Variants in TDRD9 observed in about 807,000 individuals in gnomAD.
TDRD9 encodes ATP-dependent RNA helicase TDRD9.
Under a neutral mutation model 172.6 loss-of-function variants are expected in TDRD9, and 124 were observed. The observed-to-expected ratio is 0.72, with a 90% confidence interval of 0.62 to 0.83. The LOEUF (loss-of-function observed/expected upper bound fraction) is 0.83, where lower values mean the gene tolerates loss of function less well. Ranked by LOEUF, TDRD9 falls within the 40% of genes least tolerant of loss-of-function variation. The pLI is 0.00. For synonymous variants in TDRD9, 619 were observed against 617.1 expected, an observed-to-expected ratio of 1.00 and a Z score of -0.05; for missense variants, 1,479 against 1,714.1, an observed-to-expected ratio of 0.86 and a Z score of 2.42.
chr14:104,052,011 G>T lies in TDRD9; in HGVS notation c.4078G>T (p.Asp1360Tyr). The T allele has an allele frequency of 1.3e-6, 2 of 1,596,560 alleles. No homozygotes were observed. Among genetic ancestry groups the T allele is most frequent in the South Asian group, 1.1e-5 (1 of 87,504 alleles). The change falls in exon 36 of 36, where the codon GAC becomes TAC. Residue 1360 changes from aspartate to tyrosine, a missense_variant. Transcript: ENST00000409874. ...VDPKLVMEQA[D>Y]RESSRGKNTF... ...TCCAAAGCTGGTCATGGAGCAGGCCGACCGTGAGAGCAGCAGAGGGAAGAA... is the reference window on the plus strand; with the variant it reads ...TCCAAAGCTGGTCATGGAGCAGGCCTACCGTGAGAGCAGCAGAGGGAAGAA...
At chr14:103,935,941 TTGAA>T (rs1433293251) in intron 1 of TDRD9, among the ~76,000 whole-genome samples, 11 of 152,278 alleles carry the variant, frequency 7.2e-5, no homozygotes, top group Middle Eastern at 3.4e-3. Flanking sequence ...AGATATTTGT[TTGAA>T]TGAATGACCT....
At position 103,994,389 on chromosome 14, in the gene TDRD9, A is replaced by G. The variant is rs1306488036; in HGVS notation, c.1235+3A>G. On this transcript the variant is annotated splice_donor_region_variant and intron_variant, in intron 10 of 35. Coordinates refer to ENST00000409874, the MANE Select transcript of TDRD9 (RefSeq NM_153046.3). ...CTCACAAGCCTGGTTCATAAAAGGT[A>G]TGTTGAAAATGATACAGCTGTATTC... 12 of 1,613,006 alleles carry G rather than the reference A, an allele frequency of 7.4e-6. No homozygotes were observed. Among genetic ancestry groups the G allele is most frequent in the Non-Finnish European group, 1.0e-5 (12 of 1,179,158 alleles).
intron 28 of TDRD9, among the ~76,000 whole-genome samples, chr14:104,028,583 T>G (rs543712624): frequency 1.3e-5 from 2 of 152,300 alleles, no homozygotes; most frequent in East Asian, 1.9e-4. Context: ...CTGGATGTTA[T>G]TCCTTTGTCA....
intron 1 of TDRD9, among the ~76,000 whole-genome samples, chr14:103,934,709 C>CA (rs2030641480): frequency 6.6e-6 from 1 of 152,164 alleles, no homozygotes; most frequent in African/African-American, 2.4e-5. Flanking sequence ...GTGAACCCGG[C>CA]AGGCGGAGCT....
intron 29 of TDRD9, among the ~76,000 whole-genome samples, chr14:104,031,670 C>G (rs377636223): frequency 1.3e-5 from 2 of 151,890 alleles, no homozygotes; most frequent in African/African-American, 4.8e-5. Context: ...TTGTGTTTCC[C>G]CAGCCTCTGG....
chr14:104,016,061 T>G lies in TDRD9; in HGVS notation c.2304T>G (p.Ala768=). The change falls in exon 22 of 36, where the codon GCT becomes GCG. Residue 768 remains alanine (A), a synonymous_variant. Transcript: ENST00000409874. The part of the protein sequence containing the change: ...PDEEMAVREL[A]GKDPKTTVVL... ...AGGAGATGGCGGTGAGGGAGCTGGCTGGCAAGGACCCCAAGACAACTGTCG... is the reference window on the plus strand; with the variant it reads ...AGGAGATGGCGGTGAGGGAGCTGGCGGGCAAGGACCCCAAGACAACTGTCG... The G allele has an allele frequency of 6.2e-7, 1 of 1,604,412 alleles. No individual in the cohort carries two copies. Among genetic ancestry groups the G allele is most frequent in the Non-Finnish European group, 8.5e-7 (1 of 1,175,726 alleles).
intron 1 of TDRD9, among the ~76,000 whole-genome samples, chr14:103,931,459 A>G (rs2030384487): frequency 6.6e-6 from 1 of 152,214 alleles, no homozygotes; most frequent in African/African-American, 2.4e-5. Flanking sequence ...CTAGGTGCAT[A>G]TGTATTCAAT....
intron 7 of TDRD9, among the ~76,000 whole-genome samples, chr14:103,981,516 G>C (rs541688630): frequency 4.6e-5 from 7 of 152,214 alleles, no homozygotes; most frequent in Non-Finnish European, 8.8e-5. Context: ...TTTGGTACCT[G>C]ATAGGTGCTC....
chr14:103,961,047 G>A (rs1193577712), intron 2 of TDRD9, among the ~76,000 whole-genome samples: 1 of 152,124 alleles, frequency 6.6e-6, no homozygotes, highest in Non-Finnish European at 1.5e-5. Context: ...TTGTCTGCAT[G>A]CTGTGTCTGG....
chr14:104,030,787 A>C (rs1430041964), intron 28 of TDRD9, among the ~76,000 whole-genome samples: 1 of 152,180 alleles, frequency 6.6e-6, no homozygotes, highest in Non-Finnish European at 1.5e-5. Flanking sequence ...ATGAGAACGC[A>C]TGGACACAGG....
chr14:104,041,029 A>G (rs1055308052), intron 33 of TDRD9, among the ~76,000 whole-genome samples: 6 of 152,242 alleles, frequency 3.9e-5, no homozygotes, highest in African/African-American at 9.6e-5. Context: ...GAGAAATGCT[A>G]CTTTCTAAGT....
At chr14:104,010,262 T>C (rs1034032735) in intron 20 of TDRD9, among the ~76,000 whole-genome samples, 4 of 151,942 alleles carry the variant, frequency 2.6e-5, no homozygotes, top group African/African-American at 9.7e-5. Context: ...TTTTATTCTT[T>C]TATTTTTTTG....
At chr14:103,968,668 C>T (rs1016856726) in intron 5 of TDRD9, among the ~76,000 whole-genome samples, 4 of 148,768 alleles carry the variant, frequency 2.7e-5, no homozygotes, top group Non-Finnish European at 4.5e-5. Context: ...TGGTGGCGGG[C>T]GCCTGTAGTC....
intron 23 of TDRD9, among the ~76,000 whole-genome samples, chr14:104,020,396 G>C (rs930055977): frequency 6.6e-6 from 1 of 152,152 alleles, no homozygotes; most frequent in African/African-American, 2.4e-5. Flanking sequence ...GATTGCATGT[G>C]GGGGGCAAAG....
Position 103,991,212 on chromosome 14 carries a change from G to A in TDRD9, c.1168G>A (p.Val390Met). 6.2e-7 allele frequency: 1 copy of A among 1,613,984 alleles called. No individual in the cohort carries two copies. Among genetic ancestry groups the A allele is most frequent in the African/African-American group, 1.3e-5 (1 of 75,032 alleles). The change falls in exon 9 of 36, where the codon GTG becomes ATG. Residue 390 changes from valine (V) to methionine (M), a missense_variant. Coordinates refer to ENST00000409874, the MANE Select transcript of TDRD9 (RefSeq NM_153046.3). ...QFVLERSSVL[V>M]FLPGLGEINY... is the part of the protein sequence containing the mutation. ...TGTGTTGGAGCGAAGCAGTGTGTTG[G>A]TGTTTTTGCCAGGTAAGAACATCAT...
At chr14:103,933,311 C>T (rs540364478) in intron 1 of TDRD9, among the ~76,000 whole-genome samples, 14 of 152,330 alleles carry the variant, frequency 9.2e-5, no homozygotes, top group African/African-American at 3.4e-4. Flanking sequence ...GCGTCACTCC[C>T]AGCTTCCTTC....
At chr14:104,022,594 G>A (rs992579266) in intron 24 of TDRD9, among the ~76,000 whole-genome samples, 1 of 152,094 alleles carries the variant, frequency 6.6e-6, no homozygotes. Context: ...GGGCATGGTC[G>A]CACACACCTT....
intron 1 of TDRD9, among the ~76,000 whole-genome samples, chr14:103,944,819 C>T (rs1174800858): frequency 6.6e-6 from 1 of 152,170 alleles, no homozygotes; most frequent in African/African-American, 2.4e-5. Flanking sequence ...TTCGTCTTGG[C>T]CTCCCAAAGT....
At chr14:103,948,665 A>G (rs1024257486) in intron 1 of TDRD9, among the ~76,000 whole-genome samples, 3 of 152,162 alleles carry the variant, frequency 2.0e-5, no homozygotes, top group African/African-American at 7.2e-5. Flanking sequence ...ACGCTCTGAC[A>G]TAGATGAACC....
Sources: gnomAD v4.1 joint callset for allele counts (sites outside exome capture counted in the v4.1 genomes callset) on GRCh38, gnomAD v4.1.1 for gene constraint, MANE v1.5 for transcripts, NCBI Gene and HGNC (gene_info 2026-07-23, HGNC 2026-07-21) for gene names.